The following TRAPPC9 variants were observed in gnomAD, a reference collection of about 807,000 sequenced individuals.
TRAPPC9 encodes the protein IKK2 binding protein.
In TRAPPC9, 83 loss-of-function variants were observed where a neutral mutation model predicts 124.0. The ratio of observed to expected loss-of-function variants is 0.67; its 90% confidence interval spans 0.56 to 0.80. The LOEUF is 0.80. Among genes scored for constraint, TRAPPC9 ranks in the 30% least tolerant of loss-of-function variants. The probability of loss-of-function intolerance (pLI) is 0.00; values close to 1 mark genes in which losing one functional copy is unlikely to be tolerated. For missense variants in TRAPPC9, 1,302 were observed against 1,508.3 expected (o/e 0.86, Z 2.27); for synonymous variants, 638 against 617.5 (o/e 1.03, Z -0.49).
chr8:139,938,126 C>A (rs1275057944), intron 19 of TRAPPC9, among the ~76,000 whole-genome samples: 1 of 152,210 alleles, frequency 6.6e-6, no homozygotes, highest in Non-Finnish European at 1.5e-5. Flanking sequence ...AAATACATTC[C>A]TGCATTGAAA....
intron 10 of TRAPPC9, among the ~76,000 whole-genome samples, chr8:140,310,980 G>A (rs976958593): frequency 1.3e-5 from 2 of 151,982 alleles, no homozygotes; most frequent in African/African-American, 2.4e-5. Flanking sequence ...GCAGGCTTTC[G>A]AACAAAGCAA....
chr8:139,797,684 T>C (rs998549244), intron 21 of TRAPPC9, among the ~76,000 whole-genome samples: 16 of 152,266 alleles, frequency 1.1e-4, no homozygotes, highest in Admixed American at 3.9e-4. Flanking sequence ...CTGTCATAGT[T>C]AGATATTTGA....
intron 3 of TRAPPC9, 125 bp from the exon 4 acceptor site, chr8:140,435,365 A>G: frequency 3.7e-6 from 5 of 1,349,424 alleles, no homozygotes; most frequent in Non-Finnish European, 5.2e-6. Context: ...AAACAGGTGG[A>G]TTATTTGGAA....
intron 16 of TRAPPC9, among the ~76,000 whole-genome samples, chr8:140,223,197 C>T (rs558916527): frequency 1.1e-4 from 16 of 152,236 alleles, no homozygotes; most frequent in African/African-American, 3.4e-4. Flanking sequence ...CAGGCCCCAG[C>T]GTGTGTTGTT....
At chr8:140,229,764 G>A (rs2063549538) in intron 16 of TRAPPC9, among the ~76,000 whole-genome samples, 1 of 151,438 alleles carries the variant, frequency 6.6e-6, no homozygotes, top group Non-Finnish European at 1.5e-5. Flanking sequence ...CACCATGTTG[G>A]CCACACTGGT....
intron 17 of TRAPPC9, among the ~76,000 whole-genome samples, chr8:140,105,081 C>A (rs2060640031): frequency 2.0e-5 from 3 of 152,200 alleles, no homozygotes; most frequent in South Asian, 2.1e-4. Flanking sequence ...GATACACAGA[C>A]CTGGTCCATC....
chr8:139,840,214 C>T (rs992955756), intron 21 of TRAPPC9, among the ~76,000 whole-genome samples: 4 of 152,216 alleles, frequency 2.6e-5, no homozygotes, highest in African/African-American at 9.6e-5. Flanking sequence ...GTGGCTGCGG[C>T]GGCCCTGGCC....
chr8:139,761,298 G>C (rs1270502932), intron 21 of TRAPPC9, among the ~76,000 whole-genome samples: 1 of 152,142 alleles, frequency 6.6e-6, no homozygotes. Context: ...CACAGGTGTG[G>C]ACCCACCTGC....
chr8:139,878,223 G>A (rs1012514995), intron 21 of TRAPPC9, among the ~76,000 whole-genome samples: 2 of 152,272 alleles, frequency 1.3e-5, no homozygotes, highest in Middle Eastern at 3.4e-3. Flanking sequence ...TTTATAACAT[G>A]GGAAATGCTT....
At chr8:139,851,684 G>A (rs140428738) in intron 21 of TRAPPC9, among the ~76,000 whole-genome samples, 2 of 152,310 alleles carry the variant, frequency 1.3e-5, no homozygotes, top group Non-Finnish European at 2.9e-5. Context: ...GTCGGGAAGG[G>A]GAAAGGTCCC....
At chr8:140,418,723 A>AAGAAAGATAGAT (rs1301862335) in intron 5 of TRAPPC9, among the ~76,000 whole-genome samples, 2 of 141,214 alleles carry the variant, frequency 1.4e-5, no homozygotes, top group African/African-American at 5.3e-5. Flanking sequence ...CCATCTCAAA[A>AAGAAAGATAGAT]AGATAGATAG....
At chr8:140,213,711 G>A (rs541273894) in intron 17 of TRAPPC9, among the ~76,000 whole-genome samples, 1 of 152,160 alleles carries the variant, frequency 6.6e-6, no homozygotes, top group Admixed American at 6.5e-5. Flanking sequence ...TGACAAGGGG[G>A]AGCAGGAACC....
At chr8:140,080,857 A>G (rs1843773567) in intron 17 of TRAPPC9, among the ~76,000 whole-genome samples, 1 of 152,174 alleles carries the variant, frequency 6.6e-6, no homozygotes, top group Non-Finnish European at 1.5e-5. Flanking sequence ...TCAAGTGCCA[A>G]AGAAATAGGC....
intron 21 of TRAPPC9, among the ~76,000 whole-genome samples, chr8:139,830,067 C>T (rs1188694065): frequency 6.6e-6 from 1 of 152,198 alleles, no homozygotes; most frequent in Non-Finnish European, 1.5e-5. Flanking sequence ...TTAGCATAAG[C>T]TGAAGTTAGC....
chr8:140,337,347 C>CAA (rs1327191394), intron 9 of TRAPPC9, among the ~76,000 whole-genome samples: 1 of 152,168 alleles, frequency 6.6e-6, no homozygotes, highest in African/African-American at 2.4e-5. Flanking sequence ...AGACTGCAGG[C>CAA]AAAGGCTGGT....
intron 16 of TRAPPC9, among the ~76,000 whole-genome samples, chr8:140,223,536 A>G (rs553411275): frequency 7.9e-5 from 12 of 152,204 alleles, no homozygotes; most frequent in Admixed American, 5.2e-4. Flanking sequence ...GAAAATTTCA[A>G]TGGCTGCATA....
chr8:140,190,424 C>T (rs1221350344), intron 17 of TRAPPC9, among the ~76,000 whole-genome samples: 1 of 152,292 alleles, frequency 6.6e-6, no homozygotes, highest in East Asian at 1.9e-4. Flanking sequence ...TGCCACTGTA[C>T]TCCAACTTGG....
chr8:140,032,051 C>T (rs1840530766), intron 17 of TRAPPC9, among the ~76,000 whole-genome samples: 1 of 152,350 alleles, frequency 6.6e-6, no homozygotes, highest in East Asian at 1.9e-4. Flanking sequence ...AGGGCCGCCA[C>T]GTCCTACCTG....
intron 9 of TRAPPC9, among the ~76,000 whole-genome samples, chr8:140,354,477 T>C (rs529439864): frequency 6.6e-6 from 1 of 152,312 alleles, no homozygotes; most frequent in South Asian, 2.1e-4. Flanking sequence ...ATGTAAATAC[T>C]TGCCCTAATA....
Sources: allele counts gnomAD v4.1 joint callset (sites outside exome capture counted in the v4.1 genomes callset), GRCh38; gene constraint gnomAD v4.1.1; transcripts MANE v1.5; gene names NCBI Gene and HGNC (gene_info 2026-07-23, HGNC 2026-07-21).